Variants in SND1 observed in about 807,000 individuals in gnomAD.
The protein encoded by SND1 is staphylococcal nuclease domain-containing protein 1.
In SND1, 38 loss-of-function variants were observed where a neutral mutation model predicts 121.7. That is an observed-to-expected ratio of 0.31 (90% CI 0.24 to 0.41). SND1 has a LOEUF of 0.41. Ranked by LOEUF, SND1 falls within the 10% of genes least tolerant of loss-of-function variation. The pLI is 1.00. For missense variants in SND1, 868 were observed against 1,184.6 expected (o/e 0.73, Z 3.92); for synonymous variants, 401 against 447.4 (o/e 0.90, Z 1.31).
chr7:127,833,462 G>A (rs1000636572), intron 11 of SND1, among the ~76,000 whole-genome samples: 12 of 151,612 alleles, frequency 7.9e-5, no homozygotes, highest in African/African-American at 1.7e-4. Flanking sequence ...ACTGGGTTTC[G>A]CCATGTTGGT....
chr7:127,956,809 CTTG>C (rs1801603463), intron 15 of SND1, among the ~76,000 whole-genome samples: 1 of 152,214 alleles, frequency 6.6e-6, no homozygotes, highest in African/African-American at 2.4e-5. Flanking sequence ...GACACTATCT[CTTG>C]TTTATTTTAT....
intron 12 of SND1, among the ~76,000 whole-genome samples, chr7:127,847,507 A>C (rs905906938): frequency 1.6e-4 from 25 of 152,208 alleles, no homozygotes; most frequent in African/African-American, 6.0e-4. Context: ...ACATATTTTT[A>C]AATCTTTGCT....
At chr7:127,771,910 G>A (rs1484721773) in intron 10 of SND1, among the ~76,000 whole-genome samples, 1 of 151,828 alleles carries the variant, frequency 6.6e-6, no homozygotes, top group Non-Finnish European at 1.5e-5. Flanking sequence ...TTTCGCTTCC[G>A]GCTGGGCCAT....
At chr7:127,885,533 A>G (rs926091899) in intron 12 of SND1, among the ~76,000 whole-genome samples, 2 of 152,130 alleles carry the variant, frequency 1.3e-5, no homozygotes, top group African/African-American at 2.4e-5. Context: ...GGAACTCCAT[A>G]TGGCAGGTCT....
At chr7:127,783,264 T>C (rs1304051428) in intron 10 of SND1, among the ~76,000 whole-genome samples, 3 of 152,200 alleles carry the variant, frequency 2.0e-5, no homozygotes, top group African/African-American at 7.2e-5. Flanking sequence ...AACTCTTCAG[T>C]GGCTCTTATT....
intron 10 of SND1, among the ~76,000 whole-genome samples, chr7:127,789,884 T>C (rs1171933560): frequency 2.0e-5 from 3 of 152,240 alleles, no homozygotes; most frequent in East Asian, 1.9e-4. Flanking sequence ...AGTGGCCATG[T>C]GTTACCATTA....
intron 10 of SND1, among the ~76,000 whole-genome samples, chr7:127,726,362 G>C (rs967819202): frequency 6.6e-6 from 1 of 152,234 alleles, no homozygotes; most frequent in East Asian, 1.9e-4. Flanking sequence ...GATTAATCCA[G>C]TGTCAACCCG....
chr7:128,022,306 A>G (rs1803374052), intron 16 of SND1, among the ~76,000 whole-genome samples: 1 of 152,154 alleles, frequency 6.6e-6, no homozygotes, highest in Non-Finnish European at 1.5e-5. Flanking sequence ...AAACTGTAGT[A>G]ATTACTCTAG....
chr7:127,811,973 C>G (rs994090312), intron 11 of SND1, among the ~76,000 whole-genome samples: 1 of 152,180 alleles, frequency 6.6e-6, no homozygotes, highest in African/African-American at 2.4e-5. Flanking sequence ...ATTGGGTTCT[C>G]TCTTCATAGT....
chr7:128,078,123 C>T (rs1793536634), intron 17 of SND1, among the ~76,000 whole-genome samples: 1 of 152,188 alleles, frequency 6.6e-6, no homozygotes, highest in Non-Finnish European at 1.5e-5. Flanking sequence ...AGAAGGGCAG[C>T]CTGAGCCAAA....
intron 12 of SND1, among the ~76,000 whole-genome samples, chr7:127,845,431 A>G (rs764543610): frequency 6.6e-6 from 1 of 152,278 alleles, no homozygotes; most frequent in Non-Finnish European, 1.5e-5. Flanking sequence ...GGCGCTCAGT[A>G]TAGGCATTTG....
At chr7:127,914,958 G>A (rs1254877371) in intron 14 of SND1, among the ~76,000 whole-genome samples, 1 of 152,146 alleles carries the variant, frequency 6.6e-6, no homozygotes, top group Non-Finnish European at 1.5e-5. Context: ...ATTAATAAAT[G>A]TAGCTGTTTT....
intron 1 of SND1, among the ~76,000 whole-genome samples, chr7:127,654,824 G>A (rs1795184579): frequency 1.3e-5 from 2 of 152,188 alleles, no homozygotes; most frequent in Admixed American, 1.3e-4. Flanking sequence ...AGAGTGACAG[G>A]CAGATTTGTG....
intron 14 of SND1, among the ~76,000 whole-genome samples, chr7:127,914,300 T>G (rs1026398054): frequency 2.0e-5 from 3 of 152,216 alleles, no homozygotes; most frequent in African/African-American, 7.2e-5. Flanking sequence ...CATTGTTAAT[T>G]AGCATTTGTT....
intron 7 of SND1, among the ~76,000 whole-genome samples, chr7:127,704,143 A>G (rs1796150739): frequency 6.6e-6 from 1 of 152,200 alleles, no homozygotes; most frequent in Admixed American, 6.5e-5. Context: ...TAGTTGGGTT[A>G]TTCTTAGATG....
chr7:127,848,339 A>G (rs995545342), intron 12 of SND1, among the ~76,000 whole-genome samples: 1 of 152,248 alleles, frequency 6.6e-6, no homozygotes, highest in Non-Finnish European at 1.5e-5. Flanking sequence ...AACCAGTTTA[A>G]ACTAGATTTG....
chr7:127,927,936 A>T (rs1483189322), intron 14 of SND1: 1 of 152,226 alleles, frequency 6.6e-6, no homozygotes, highest in Non-Finnish European at 1.5e-5. Context: ...TGGTGTCCTC[A>T]GAGGGAGTTT....
intron 16 of SND1, among the ~76,000 whole-genome samples, chr7:128,073,049 G>T (rs1793440141): frequency 6.6e-6 from 1 of 152,202 alleles, no homozygotes; most frequent in African/African-American, 2.4e-5. Context: ...GGATGGTGGA[G>T]GGGGCAGAGG....
At chr7:128,070,988 C>T (rs1331967334) in intron 16 of SND1, among the ~76,000 whole-genome samples, 1 of 152,172 alleles carries the variant, frequency 6.6e-6, no homozygotes, top group Non-Finnish European at 1.5e-5. Context: ...CTTGTTTCAG[C>T]TCTGATGATA....
Sources: allele counts gnomAD v4.1 joint callset (sites outside exome capture counted in the v4.1 genomes callset), GRCh38; gene constraint gnomAD v4.1.1; transcripts MANE v1.5; gene names NCBI Gene and HGNC (gene_info 2026-07-23, HGNC 2026-07-21).